Variants in BBOX1 observed in about 807,000 individuals in gnomAD.
BBOX1 encodes gamma-butyrobetaine hydroxylase 1, also known as gamma-butyrobetaine dioxygenase.
In BBOX1, 35 loss-of-function variants were observed where a neutral mutation model predicts 41.6. That is an observed-to-expected ratio of 0.84 (90% confidence interval 0.64 to 1.11). The LOEUF (loss-of-function observed/expected upper bound fraction) is 1.11. Among genes scored for constraint, BBOX1 ranks in the 50% most tolerant of loss-of-function variants. The pLI is 0.00. For missense variants in BBOX1, 458 were observed against 460.6 expected, an observed-to-expected ratio of 0.99 and a Z score of 0.05; for synonymous variants, 163 against 154.7, an observed-to-expected ratio of 1.05 and a Z score of -0.40.
intron 2 of BBOX1, among the ~76,000 whole-genome samples, chr11:27,045,894 A>G (rs1195760146): frequency 1.3e-5 from 2 of 152,212 alleles, no homozygotes; most frequent in East Asian, 3.8e-4. Context: ...GCTTCCTGTG[A>G]ATTCCCTCCA....
At chr11:27,117,381 T>C (rs1295580114) in intron 6 of BBOX1, among the ~76,000 whole-genome samples, 1 of 152,044 alleles carries the variant, frequency 6.6e-6, no homozygotes, top group Non-Finnish European at 1.5e-5. Flanking sequence ...ATTTTGTTGA[T>C]TGTAAAATAC....
chr11:27,125,808 A>G lies in BBOX1; in HGVS notation c.991A>G (p.Lys331Glu). Residue 331 changes from lysine to glutamate, a missense_variant, in exon 8 of 9, where the codon AAG becomes GAG. Transcript: ENST00000263182. Reference protein sequence around the residue: ...MNSKESKFTFKMNPGDVITFD... With the variant: ...MNSKESKFTFEMNPGDVITFD... ...CAGCAAAGAATCCAAGTTTACCTTC[A>G]AGATGAATCCAGGTCAGTGAATACA... The G allele has an allele frequency of 6.2e-7, 1 of 1,610,312 alleles. No homozygotes were observed. Among genetic ancestry groups the G allele is most frequent in the Non-Finnish European group, 8.5e-7 (1 of 1,178,858 alleles).
intron 7 of BBOX1, among the ~76,000 whole-genome samples, chr11:27,124,907 C>T (rs1013260104): frequency 6.6e-6 from 1 of 152,174 alleles, no homozygotes; most frequent in Admixed American, 6.5e-5. Flanking sequence ...GAGATCACAA[C>T]ATTAAGAGCT....
chr11:27,111,441 G>C (rs887354780), intron 5 of BBOX1, among the ~76,000 whole-genome samples: 2 of 151,914 alleles, frequency 1.3e-5, no homozygotes, highest in East Asian at 3.9e-4. Context: ...CAAACCTCAG[G>C]ATCATGCAAT....
At position 27,066,050 on chromosome 11, in the gene BBOX1, A is replaced by G. The variant is rs116553712; in HGVS notation, c.334+8735A>G. On this transcript the variant is annotated intron_variant, in intron 4 of 8. Coordinates refer to ENST00000263182, the MANE Select transcript of BBOX1 (RefSeq NM_003986.3). ...TAGTTGCCACATTGAGAATTAAGGA[A>G]AATATTCTAATGTTTTTGCTCTTGG... Among the ~76,000 whole-genome samples the G allele has an allele frequency of 4.5e-3, 681 of 152,290 alleles. 8 individuals are homozygous for G. Among genetic ancestry groups the G allele is most frequent in the African/African-American group, 0.015 (608 of 41,584 alleles).
intron 5 of BBOX1, among the ~76,000 whole-genome samples, chr11:27,110,615 G>A (rs760933518): frequency 6.6e-6 from 1 of 151,772 alleles, no homozygotes; most frequent in Non-Finnish European, 1.5e-5. Context: ...GGGTTTCTGT[G>A]GGGAAAATGC....
chr11:27,108,865 T>C (rs1349220042), intron 5 of BBOX1, among the ~76,000 whole-genome samples: 2 of 152,048 alleles, frequency 1.3e-5, no homozygotes, highest in Admixed American at 1.3e-4. Flanking sequence ...AGATTATAGA[T>C]TGTATTTCCA....
chr11:27,054,958 CA>C (rs1244107562), intron 2 of BBOX1, among the ~76,000 whole-genome samples: 11 of 152,116 alleles, frequency 7.2e-5, no homozygotes, highest in African/African-American at 2.7e-4. Context: ...ATCATAAAAA[CA>C]TTTTTTTTCA....
At chr11:27,073,978 G>A (rs11029822) in intron 4 of BBOX1, among the ~76,000 whole-genome samples, 90,296 of 151,702 alleles carry the variant, frequency 0.6, 29,608 homozygotes, top group East Asian at 0.94. Context: ...CGAGTTAATG[G>A]GTGCAGCACA....
At chr11:27,061,086 G>C (rs902725474) in intron 4 of BBOX1, among the ~76,000 whole-genome samples, 1 of 151,948 alleles carries the variant, frequency 6.6e-6, no homozygotes, top group Non-Finnish European at 1.5e-5. Context: ...AATCCTATTG[G>C]ATTTTACTTT....
At chr11:27,048,897 CT>C (rs1197772140) in intron 2 of BBOX1, among the ~76,000 whole-genome samples, 4 of 115,892 alleles carry the variant, frequency 3.5e-5, no homozygotes, top group African/African-American at 1.3e-4. Context: ...TCCCTCCCCC[CT>C]CCCCCCACCC....
intron 4 of BBOX1, among the ~76,000 whole-genome samples, chr11:27,060,594 T>A (rs1857107138): frequency 6.6e-6 from 1 of 151,880 alleles, no homozygotes; most frequent in African/African-American, 2.4e-5. Flanking sequence ...TTCTTAAACA[T>A]GTGTGGTAAC....
intron 5 of BBOX1, among the ~76,000 whole-genome samples, chr11:27,100,467 CT>C (rs1858608331): frequency 6.6e-6 from 1 of 152,058 alleles, no homozygotes; most frequent in Admixed American, 6.6e-5. Flanking sequence ...TCCCATTCTA[CT>C]TTTTAAAAAT....
intron 5 of BBOX1, among the ~76,000 whole-genome samples, chr11:27,103,760 T>C (rs1301819739): frequency 6.6e-6 from 1 of 152,068 alleles, no homozygotes; most frequent in African/African-American, 2.4e-5. Flanking sequence ...TGGCCTGTCT[T>C]TCTGACATGT....
chr11:27,106,530 GAACT>G (rs1248568841), intron 5 of BBOX1, among the ~76,000 whole-genome samples: 1 of 152,122 alleles, frequency 6.6e-6, no homozygotes, highest in Non-Finnish European at 1.5e-5. Flanking sequence ...AATTGAACAA[GAACT>G]AACTATCCTA....
At chr11:27,083,695 ATTC>A (rs1243849966) in intron 4 of BBOX1, among the ~76,000 whole-genome samples, 1 of 152,096 alleles carries the variant, frequency 6.6e-6, no homozygotes, top group Non-Finnish European at 1.5e-5. Context: ...CAAAATTTTT[ATTC>A]TTATGTATTA....
chr11:27,108,919 T>C (rs1345642871), intron 5 of BBOX1, among the ~76,000 whole-genome samples: 4 of 152,160 alleles, frequency 2.6e-5, no homozygotes, highest in Non-Finnish European at 4.4e-5. Flanking sequence ...CTTTACCGTA[T>C]ACCGTATGAA....
rs1279395781 is a variant in BBOX1, at chr11:27,099,420, T to A, written c.533+6054T>A. Among the ~76,000 whole-genome samples, 6 of 151,548 alleles carry A rather than the reference T, an allele frequency of 4.0e-5. No individual in the cohort carries two copies. The East Asian group carries it at 9.7e-4, about 25-fold the overall frequency. On this transcript the variant is annotated intron_variant, in intron 5 of 8. Transcript: ENST00000263182. ...ATGAAATAAAGAAGGCAAGAGGCAA[T>A]AGGAAAAGGAGATAAAATAAATGTG...
intron 5 of BBOX1, among the ~76,000 whole-genome samples, chr11:27,108,800 G>A (rs985367706): frequency 6.6e-6 from 1 of 151,914 alleles, no homozygotes; most frequent in African/African-American, 2.4e-5. Context: ...CAATCCCAGG[G>A]AACAGGTGAG....
Sources: allele counts gnomAD v4.1 joint callset (sites outside exome capture counted in the v4.1 genomes callset), GRCh38; gene constraint gnomAD v4.1.1; transcripts MANE v1.5; gene names NCBI Gene and HGNC (gene_info 2026-07-23, HGNC 2026-07-21).